SAMM50: variants seen among roughly 807,000 people sequenced by gnomAD.
SAMM50 encodes the protein sorting and assembly machinery component 50 homolog.
A neutral mutation model predicts 66.9 loss-of-function variants in SAMM50; 47 were observed. That is an observed-to-expected ratio of 0.70 (90% confidence interval 0.56 to 0.90). The LOEUF (loss-of-function observed/expected upper bound fraction) is 0.90. Ranked by LOEUF, SAMM50 falls within the 40% of genes least tolerant of loss-of-function variation. SAMM50 has a pLI of 0.00. For missense variants in SAMM50, 535 were observed against 595.3 expected (o/e 0.90, Z 1.05); for synonymous variants, 191 against 214.1 (o/e 0.89, Z 0.94).
intron 4 of SAMM50, among the ~76,000 whole-genome samples, chr22:43,969,868 G>A (rs536264549): frequency 1.9e-4 from 29 of 152,254 alleles, no homozygotes; most frequent in Admixed American, 5.2e-4. Context: ...GACCGTGGTG[G>A]GCCTAACATG....
At position 43,996,342 on chromosome 22, in the gene SAMM50, T is replaced by C. The variant is rs1020031347; in HGVS notation, c.1369T>C (p.Cys457Arg). 6.2e-7 allele frequency: 1 copy of C among 1,614,074 alleles called. No homozygotes were observed. The highest frequency in any genetic ancestry group is 1.1e-5 in the South Asian group (1 of 91,086). ...TGATCTCTCCCCTTTTTTTAGGATA[T>C]GTGATGGCGTCCAGTTTGGAGCTGG... ...PMGVQTGDRI[C>R]DGVQFGAGIR... Residue 457 changes from cysteine to arginine, a missense_variant, in exon 15 of 15, where the codon TGT becomes CGT. Physicochemically the swap from Cys to Arg is radical, Grantham distance 180. Transcript: ENST00000350028.
At chr22:43,971,056 T>C (rs2050201117) in intron 4 of SAMM50, among the ~76,000 whole-genome samples, 1 of 152,028 alleles carries the variant, frequency 6.6e-6, no homozygotes, top group Non-Finnish European at 1.5e-5. Context: ...TCATCCCAGC[T>C]ACTCGGAAGG....
intron 1 of SAMM50, among the ~76,000 whole-genome samples, chr22:43,962,914 T>TA (rs2050154218): frequency 7.3e-6 from 1 of 137,288 alleles, no homozygotes; most frequent in Non-Finnish European, 1.5e-5. Flanking sequence ...TTTTTTTTTT[T>TA]AGAGATGGGG....
chr22:43,969,046 C>T (rs1030894409), intron 4 of SAMM50, among the ~76,000 whole-genome samples: 3 of 152,200 alleles, frequency 2.0e-5, no homozygotes, highest in Non-Finnish European at 4.4e-5. Context: ...TGGTCTGGAA[C>T]TCCTGTGCTC....
chr22:43,976,728 T>A, intron 8 of SAMM50, 22 bp from the exon 9 acceptor site: 1 of 1,578,640 alleles, frequency 6.3e-7, no homozygotes, highest in Non-Finnish European at 8.7e-7. Flanking sequence ...AGTGAAAATA[T>A]CCCCATTCAA....
rs1313546780 is a variant in SAMM50, at chr22:43,973,247, A to C, written c.572A>C (p.Asn191Thr). The change falls in exon 7 of 15, where the codon AAC becomes ACC. Residue 191 changes from asparagine to threonine, a missense_variant. Transcript: ENST00000350028. ...CCATTGTCTCCTAGTTTCTCTGTAA[A>C]CTTATATAAAGTTACTGGACAGTTC... is the stretch of plus-strand genomic sequence containing the variant. ...PGNFERNFSV[N>T]LYKVTGQFPW... 1.5e-5 allele frequency: 24 copies of C among 1,598,006 alleles called. No homozygotes were observed. Among genetic ancestry groups the C allele is most frequent in the Non-Finnish European group, 2.1e-5 (24 of 1,165,538 alleles).
chr22:43,973,190 C>G (rs772011624), intron 6 of SAMM50, 46 bp from the exon 7 acceptor site: 1 of 1,368,818 alleles, frequency 7.3e-7, no homozygotes, highest in Non-Finnish European at 1.0e-6. Context: ...TGTGCAAGTT[C>G]TAATCACTGT....
rs1465372652 is a variant in SAMM50, at chr22:43,983,867, G to A, written c.1008-66G>A. On this transcript the variant is annotated intron_variant, in intron 11 of 14. Coordinates refer to ENST00000350028, the MANE Select transcript of SAMM50 (RefSeq NM_015380.5). This position sits in a 1 kb window ranked among gnomAD's most constrained non-coding sequence, Gnocchi z 4.2. ...TGAGTCTGACATGTGTTTCCTACGC[G>A]TTCCGTGTGTCATGTCGTTTCTCAC... is the stretch of plus-strand genomic sequence containing the variant. The A allele has an allele frequency of 9.6e-6, 11 of 1,141,404 alleles. No homozygotes were observed. The Middle Eastern group carries it at 9.9e-4, about 103-fold the overall frequency. 70.7% of individuals were successfully genotyped at this position (1,141,404 alleles called of 1,614,324 possible).
intron 13 of SAMM50, 80 bp downstream of exon 13, chr22:43,989,337 G>GTTT: frequency 9.7e-7 from 1 of 1,032,832 alleles, no homozygotes; most frequent in Non-Finnish European, 1.3e-6. Flanking sequence ...AGAGGTGTCT[G>GTTT]TCTTTTTTTT....
Position 43,990,360 on chromosome 22 carries a change from T to C in SAMM50, c.1318T>C (p.Leu440=), listed in dbSNP as rs759200039. 2 of 1,614,196 alleles carry C rather than the reference T, an allele frequency of 1.2e-6. No homozygotes were observed. The highest frequency in any genetic ancestry group is 1.7e-6 in the Non-Finnish European group (2 of 1,180,036). The change falls in exon 14 of 15, where the codon TTG becomes CTG. Residue 440 remains leucine, a synonymous_variant. Transcript: ENST00000350028. ...CCTCAGGCTTGGCAACATCGCTCGG[T>C]TGGAACTTAATTACTGCGTCCCCAT... ...IVLRLGNIAR[L]ELNYCVPMGV...
chr22:43,977,894 G>T lies in SAMM50; in HGVS notation c.872G>T (p.Gly291Val). The T allele has an allele frequency of 6.2e-7, 1 of 1,612,978 alleles. No individual in the cohort carries two copies. Among genetic ancestry groups the T allele is most frequent in the Admixed American group, 1.7e-5 (1 of 59,910 alleles). ...CAGGAACTGGCAGGCTACACTGGCG[G>T]GGATGTGAGCTTCATCAAAGAAGAT... Reference protein sequence around the residue: ...VNQELAGYTGGDVSFIKEDFE... With the variant: ...VNQELAGYTGVDVSFIKEDFE... The change falls in exon 10 of 15, where the codon GGG becomes GTG. Residue 291 changes from glycine (G) to valine (V), a missense_variant. By Grantham distance (109) the Gly-to-Val change is moderately radical (BLOSUM62 -3). Transcript: ENST00000350028.
chr22:43,977,051 G>C (rs2050236366), intron 9 of SAMM50, among the ~76,000 whole-genome samples: 1 of 152,228 alleles, frequency 6.6e-6, no homozygotes, highest in Non-Finnish European at 1.5e-5. Flanking sequence ...CCAAGGTGGG[G>C]GTAAGGCTGT....
intron 2 of SAMM50, among the ~76,000 whole-genome samples, chr22:43,963,662 C>T (rs1473494240): frequency 6.6e-6 from 1 of 152,196 alleles, no homozygotes; most frequent in East Asian, 1.9e-4. Context: ...ATATCAAGGA[C>T]AAACTCAAAC....
Position 43,973,181 on chromosome 22 carries a change from G to T in SAMM50, c.561-55G>T, listed in dbSNP as rs1463995841. On this transcript the variant is annotated intron_variant, in intron 6 of 14. Coordinates refer to ENST00000350028, the MANE Select transcript of SAMM50 (RefSeq NM_015380.5). ...GTGTTAAGTCTGTTGATTTAAATGT[G>T]TGCAAGTTCTAATCACTGTTTCAGC... is the stretch of plus-strand genomic sequence containing the variant. 6 of 1,339,248 alleles carry T rather than the reference G, an allele frequency of 4.5e-6. No individual in the cohort carries two copies. The African/African-American group carries it at 7.2e-5, about 16-fold the overall frequency. The allele number at this position is 1,339,248 out of a possible 1,614,324, so 83.0% of individuals were successfully genotyped here.
intron 12 of SAMM50, chr22:43,987,894 C>CTG (rs1224391550): frequency 3.5e-5 from 4 of 114,964 alleles, no homozygotes; most frequent in South Asian, 2.9e-4. Context: ...GGACTGGAAA[C>CTG]TGTGTATATA....
chr22:43,957,424 G>T, intron 1 of SAMM50: 1 of 327,622 alleles, frequency 3.1e-6, no homozygotes, highest in Non-Finnish European at 5.7e-6. Context: ...ATGGTTAATT[G>T]TAACTACATT....
intron 9 of SAMM50, among the ~76,000 whole-genome samples, chr22:43,977,154 C>T (rs1410489613): frequency 6.6e-6 from 1 of 152,170 alleles, no homozygotes; most frequent in African/African-American, 2.4e-5. Context: ...GGTCACCCCT[C>T]AATGGCTGCA....
chr22:43,977,122 GGA>G (rs994381609), intron 9 of SAMM50, among the ~76,000 whole-genome samples: 1 of 152,192 alleles, frequency 6.6e-6, no homozygotes, highest in Non-Finnish European at 1.5e-5. Flanking sequence ...GTGTTACCTG[GGA>G]GAGAGTGTCC....
rs779039583 is a variant in SAMM50, at chr22:43,989,092, G to T, written c.1076-19G>T. Reference sequence around the variant, plus strand: ...CCTTGTCGGACCTTGTTTTTGTTCTGCACCCCTCCTTTGCTTAGGAGACTA... The same window carrying T: ...CCTTGTCGGACCTTGTTTTTGTTCTTCACCCCTCCTTTGCTTAGGAGACTA... On this transcript the variant is annotated intron_variant, in intron 12 of 14. Transcript: ENST00000350028. The T allele has an allele frequency of 1.5e-5, 24 of 1,604,154 alleles. No homozygotes were observed. The East Asian group carries it at 4.2e-4, about 28-fold the overall frequency.
Sources: allele counts gnomAD v4.1 joint callset (sites outside exome capture counted in the v4.1 genomes callset), GRCh38; gene constraint gnomAD v4.1.1; non-coding constraint Gnocchi (gnomAD v3.1); transcripts MANE v1.5; gene names NCBI Gene and HGNC (gene_info 2026-07-23, HGNC 2026-07-21).